Variants in CKM observed in about 807,000 individuals in gnomAD.
CKM encodes creatine kinase, M-type.
Under a neutral mutation model 35.4 loss-of-function variants are expected in CKM, and 28 were observed. The observed-to-expected ratio is 0.79, with a 90% CI of 0.59 to 1.08. The LOEUF is 1.08. Ranked by LOEUF, CKM falls within the 50% of genes least tolerant of loss-of-function variation. CKM has a pLI of 0.00. For synonymous variants in CKM, 215 were observed against 204.4 expected, an observed-to-expected ratio of 1.05 and a Z score of -0.44; for missense variants, 484 against 509.8, an observed-to-expected ratio of 0.95 and a Z score of 0.49.
chr19:45,317,095 T>C (rs190171315), intron 3 of CKM, among the ~76,000 whole-genome samples: 116 of 151,816 alleles, frequency 7.6e-4, no homozygotes, highest in South Asian at 1.0e-3. Context: ...TGTGTCTCTC[T>C]GTCCCTCTCT....
chr19:45,312,196 A>C (rs1427136828), intron 4 of CKM, among the ~76,000 whole-genome samples: 1 of 152,116 alleles, frequency 6.6e-6, no homozygotes, highest in Non-Finnish European at 1.5e-5. Flanking sequence ...CATCCAATCC[A>C]CCTGCAGGCC....
At chr19:45,320,166 A>G (rs1203585961) in intron 1 of CKM, among the ~76,000 whole-genome samples, 1 of 151,828 alleles carries the variant, frequency 6.6e-6, no homozygotes. Context: ...GGCTCACTGC[A>G]GCCTCCACCT....
intron 4 of CKM, among the ~76,000 whole-genome samples, chr19:45,315,136 ACT>A (rs1233004324): frequency 1.1e-4 from 17 of 151,928 alleles, no homozygotes; most frequent in Admixed American, 7.2e-4. Flanking sequence ...CCAGCTGAAC[ACT>A]CTGTGAGAAC....
Position 45,311,765 on chromosome 19 carries a change from C to A in CKM, c.637G>T (p.Asp213Tyr). 3.1e-6 allele frequency: 5 copies of A among 1,590,682 alleles called. No individual in the cohort carries two copies. Among genetic ancestry groups the A allele is most frequent in the Non-Finnish European group, 4.3e-6 (5 of 1,169,342 alleles). ...LASGMARDWP[D>Y]ARGIWHNDNK... is the part of the protein sequence containing the mutation. ...GGGCCTCACCAGATGCCACGGGCGT[C>A]GGGCCAGTCGCGGGCCATGCCTGAG... Residue 213 changes from aspartate to tyrosine, a missense_variant, in exon 5 of 8, where the codon GAC becomes TAC. Physicochemically the swap from Asp to Tyr is radical, Grantham distance 160. Transcript: ENST00000221476.
intron 5 of CKM, 146 bp from the exon 6 acceptor site, chr19:45,308,678 G>C (rs983803759): frequency 1.1e-5 from 11 of 999,540 alleles, no homozygotes; most frequent in Non-Finnish European, 1.6e-5. Flanking sequence ...TCAAAACGCA[G>C]AAGCTTAAAC....
intron 5 of CKM, among the ~76,000 whole-genome samples, chr19:45,309,072 CA>C (rs201743646): frequency 1.3e-5 from 2 of 149,158 alleles, no homozygotes; most frequent in Non-Finnish European, 3.0e-5. Flanking sequence ...CTAAAAAATA[CA>C]AAAAAAAATC....
chr19:45,308,386 A>G, intron 6 of CKM, 23 bp downstream of exon 6: 10 of 1,614,056 alleles, frequency 6.2e-6, no homozygotes, highest in Non-Finnish European at 6.8e-6. Flanking sequence ...GTCAGAAGTC[A>G]GCAGCTAAGG....
At chr19:45,315,641 C>A in intron 3 of CKM, 44 bp from the exon 4 acceptor site, 1 of 1,596,976 alleles carries the variant, frequency 6.3e-7, no homozygotes, top group East Asian at 2.2e-5. Context: ...ATCCTCCGCC[C>A]TCTCCAGCAA....
intron 6 of CKM, among the ~76,000 whole-genome samples, 189 bp downstream of exon 6, chr19:45,308,220 G>A (rs897423636): frequency 2.1e-4 from 31 of 150,912 alleles, no homozygotes; most frequent in Non-Finnish European, 3.7e-4. Flanking sequence ...CCAGGGGCGG[G>A]GCCCTGAAAA....
In CKM at chr19:45,320,890, C is replaced by CTATTATTATTATTATTATTATTAT. The variant is rs61014137; in HGVS notation, c.-18-1183_-18-1160dup. Among the ~76,000 whole-genome samples, 529 of 146,316 alleles carry CTATTATTATTATTATTATTATTAT rather than the reference C, an allele frequency of 3.6e-3. 5 individuals are homozygous for CTATTATTATTATTATTATTATTAT. The highest frequency in any genetic ancestry group is 0.013 in the African/African-American group (498 of 39,574). ...CAATAAGCATTATTTCACTTAGCTGCTATTATTATTATTATTATTATTATG... is the reference window on the plus strand; with the variant it reads ...CAATAAGCATTATTTCACTTAGCTGCTATTATTATTATTATTATTATTATTATTATTATTATTATTATTATTATG... On this transcript the variant is annotated intron_variant, in intron 1 of 7. Transcript: ENST00000221476.
intron 3 of CKM, 55 bp downstream of exon 3, chr19:45,317,770 C>A (rs1971172583): frequency 1.3e-6 from 2 of 1,591,234 alleles, no homozygotes; most frequent in South Asian, 2.2e-5. Context: ...CCCATTTCTC[C>A]TGTGATCTCT....
chr19:45,307,541 T>G lies in CKM; in HGVS notation c.887A>C (p.His296Pro), dbSNP rs565428059. 6.2e-7 allele frequency: 1 copy of G among 1,614,124 alleles called. No individual in the cohort carries two copies. The highest frequency in any genetic ancestry group is 1.3e-5 in the African/African-American group (1 of 75,060). The change falls in exon 7 of 8, where the codon CAT becomes CCT. Residue 296 changes from histidine (H) to proline (P), a missense_variant. Coordinates refer to ENST00000221476, the MANE Select transcript of CKM (RefSeq NM_001824.5). ...CTTGCTCAGGTGCGCCAGCTTCACA[T>G]GCACGCCTCCACGCAGCCCAGTGCC... is the stretch of plus-strand genomic sequence containing the variant. Reference protein sequence around the residue: ...NLGTGLRGGVHVKLAHLSKHP... With the variant: ...NLGTGLRGGVPVKLAHLSKHP...
At chr19:45,320,440 G>A (rs1482436606) in intron 1 of CKM, among the ~76,000 whole-genome samples, 5 of 152,212 alleles carry the variant, frequency 3.3e-5, no homozygotes, top group Non-Finnish European at 7.3e-5. Flanking sequence ...TGGGCAAGGC[G>A]TTGGGGTCAG....
chr19:45,311,765 C>T lies in CKM; in HGVS notation c.637G>A (p.Asp213Asn), dbSNP rs781660516. The T allele has an allele frequency of 1.4e-5, 22 of 1,590,680 alleles. No homozygotes were observed. The highest frequency in any genetic ancestry group is 1.7e-4 in the Middle Eastern group (1 of 6,018). Residue 213 changes from aspartate (D) to asparagine (N), a missense_variant, in exon 5 of 8, where the codon GAC (aspartate) becomes AAC (asparagine). By Grantham distance (23) the Asp-to-Asn change is conservative. Transcript: ENST00000221476. ...GGGCCTCACCAGATGCCACGGGCGT[C>T]GGGCCAGTCGCGGGCCATGCCTGAG... ...LASGMARDWP[D>N]ARGIWHNDNK...
In CKM at chr19:45,319,719, C is replaced by G. The variant is rs371907095; in HGVS notation, c.-6G>C. The G allele has an allele frequency of 1.9e-6, 3 of 1,613,522 alleles. No individual in the cohort carries two copies. The African/African-American group carries it at 4.0e-5, about 22-fold the overall frequency. ...TGGGTGTTACCGAATGGCATGGTGG[C>G]GGTGTAGGAGACCTGATGGGCAGGG... On this transcript the variant is annotated 5_prime_UTR_variant, in exon 2 of 8. Coordinates refer to ENST00000221476, the MANE Select transcript of CKM (RefSeq NM_001824.5).
chr19:45,321,137 C>T (rs191089943), intron 1 of CKM, among the ~76,000 whole-genome samples: 148 of 151,524 alleles, frequency 9.8e-4, no homozygotes, highest in African/African-American at 3.5e-3. Context: ...CTCCTGAACT[C>T]AAGTGATCCG....
chr19:45,308,311 G>T, intron 6 of CKM, 98 bp downstream of exon 6: 1 of 1,468,690 alleles, frequency 6.8e-7, no homozygotes, highest in Admixed American at 1.7e-5. Flanking sequence ...GAAAATGGGT[G>T]GGGCAGGGCT....
intron 2 of CKM, 33 bp from the exon 3 acceptor site, chr19:45,318,012 G>C (rs779411481): frequency 1.3e-5 from 21 of 1,607,988 alleles, no homozygotes; most frequent in Admixed American, 8.3e-5. Flanking sequence ...AGAGCTGCTT[G>C]TCCCCAGCAA....
At chr19:45,319,433 C>T (rs1404269456) in intron 2 of CKM, 88 bp downstream of exon 2, 7 of 1,017,262 alleles carry the variant, frequency 6.9e-6, no homozygotes, top group Non-Finnish European at 1.1e-5. Context: ...GAGGCCCCCC[C>T]CCCTTCAAGG....
Sources: allele counts gnomAD v4.1 joint callset (sites outside exome capture counted in the v4.1 genomes callset), GRCh38; gene constraint gnomAD v4.1.1; transcripts MANE v1.5; gene names NCBI Gene and HGNC (gene_info 2026-07-23, HGNC 2026-07-21).